The following MUC12 variants were observed in gnomAD, a reference collection of about 807,000 sequenced individuals.
MUC12 encodes the protein mucin 12, cell surface associated.
Under a neutral mutation model 230.8 loss-of-function variants are expected in MUC12, and 172 were observed. That is an observed-to-expected ratio of 0.75 (90% confidence interval 0.66 to 0.85). The LOEUF (loss-of-function observed/expected upper bound fraction) is 0.85, where lower values mean the gene tolerates loss of function less well. MUC12 is among the 40% of genes least tolerant of loss of function. MUC12 has a pLI of 0.00. For synonymous variants in MUC12, 1,259 were observed against 2,401.9 expected (o/e 0.52, Z 13.91); for missense variants, 3,506 against 5,920.6 (o/e 0.59, Z 13.38).
chr7:101,013,142 T>C lies in MUC12; in HGVS notation c.15638T>C (p.Leu5213Pro). 6.5e-7 allele frequency: 1 copy of C among 1,537,258 alleles called. No homozygotes were observed. The highest frequency in any genetic ancestry group is 8.7e-7 in the Non-Finnish European group (1 of 1,146,904). The change falls in exon 8 of 12, where the codon CTG becomes CCG. Residue 5213 changes from leucine to proline, a missense_variant and splice_region_variant. Coordinates refer to ENST00000536621, the MANE Select transcript of MUC12 (RefSeq NM_001164462.2). ...CQLQRSGPRC[L>P]CPNTNTHWYW... ...CTGCAACGCAGTGGCCCCCGCTGCCTGTGAGTGTCCCCATAAGCCCAGCAC... is the reference window on the plus strand; with the variant it reads ...CTGCAACGCAGTGGCCCCCGCTGCCCGTGAGTGTCCCCATAAGCCCAGCAC...
Position 100,969,704 on chromosome 7 carries a change from G to C in MUC12, c.67+15G>C. The C allele has an allele frequency of 6.5e-7, 1 of 1,537,390 alleles. No individual in the cohort carries two copies. The highest frequency in any genetic ancestry group is 1.2e-5 in the South Asian group (1 of 84,064). On this transcript the variant is annotated intron_variant, in intron 1 of 11. Transcript: ENST00000536621. Reference sequence around the variant, plus strand: ...AGTGACACCAGGTGAGTGCTCCTGGGCTGATGCTCCAGGTCCAGTGCTCCT... The same window carrying C: ...AGTGACACCAGGTGAGTGCTCCTGGCCTGATGCTCCAGGTCCAGTGCTCCT...
Position 100,992,593 on chromosome 7 carries a change from C to T in MUC12, c.2030C>T (p.Ser677Phe). Reference protein sequence around the residue: ...SIPTTHISARSTTSGLVEEST... With the variant: ...SIPTTHISARFTTSGLVEEST... Reference sequence around the variant, plus strand: ...CCAACAACCCACATTTCTGCCCGCTCCACAACCTCAGGCCTCGTTGAAGAA... The same window carrying T: ...CCAACAACCCACATTTCTGCCCGCTTCACAACCTCAGGCCTCGTTGAAGAA... Residue 677 changes from serine (S) to phenylalanine (F), a missense_variant, in exon 2 of 12, where the codon TCC becomes TTC. Physicochemically the swap from Ser to Phe is radical, Grantham distance 155. Coordinates refer to ENST00000536621, the MANE Select transcript of MUC12 (RefSeq NM_001164462.2). The T allele has an allele frequency of 6.5e-7, 1 of 1,537,904 alleles. No individual in the cohort carries two copies. The highest frequency in any genetic ancestry group is 8.7e-7 in the Non-Finnish European group (1 of 1,147,012).
rs1794000558 is a variant in MUC12, at chr7:101,018,700, C to T, written c.*64C>T. 6.8e-7 allele frequency: 1 copy of T among 1,479,270 alleles called. No individual in the cohort carries two copies. Among genetic ancestry groups the T allele is most frequent in the Admixed American group, 2.1e-5 (1 of 47,626 alleles). 91.6% of individuals were successfully genotyped at this position (1,479,270 alleles called of 1,614,324 possible). A position where few individuals can be genotyped will look rare whatever the true frequency, so the allele number is the denominator to read the frequency against. ...GGAGAGCTGCAAACACAGAGCCCACCACAAGCCTCCGGGGCGGGTCAAGAG... is the reference window on the plus strand; with the variant it reads ...GGAGAGCTGCAAACACAGAGCCCACTACAAGCCTCCGGGGCGGGTCAAGAG... On this transcript the variant is annotated 3_prime_UTR_variant, in exon 12 of 12. Coordinates refer to ENST00000536621, the MANE Select transcript of MUC12 (RefSeq NM_001164462.2).
intron 5 of MUC12, among the ~76,000 whole-genome samples, chr7:101,009,648 C>A (rs980649201): frequency 6.6e-6 from 1 of 151,934 alleles, no homozygotes; most frequent in Non-Finnish European, 1.5e-5. Context: ...GCCTGGGCAA[C>A]ATAGCGAGAT....
At position 100,991,483 on chromosome 7, in the gene MUC12, G is replaced by A. The variant is rs913442101; in HGVS notation, c.920G>A (p.Ser307Asn). The A allele has an allele frequency of 2.0e-6, 3 of 1,537,340 alleles. No individual in the cohort carries two copies. The highest frequency in any genetic ancestry group is 1.7e-6 in the Non-Finnish European group (2 of 1,146,724). ...AFVKLSTTYH[S>N]SPSSTPTTHF... Reference sequence around the variant, plus strand: ...GTTAAACTATCTACAACTTATCACAGCAGCCCGAGCTCAACTCCAACAACC... The same window carrying A: ...GTTAAACTATCTACAACTTATCACAACAGCCCGAGCTCAACTCCAACAACC... Residue 307 changes from serine to asparagine, a missense_variant, in exon 2 of 12, where the codon AGC (serine) becomes AAC (asparagine). Ser to Asn is a conservative substitution (Grantham distance 46, BLOSUM62 1). Coordinates refer to ENST00000536621, the MANE Select transcript of MUC12 (RefSeq NM_001164462.2).
rs1793739735 is a variant in MUC12, at chr7:101,005,814, T to A, written c.14956+295T>A. ...CTCTTCTCTGGATTTTTTTTTTTTT[T>A]TGAGACAGAGTGTTGCTCTGTTGCC... On this transcript the variant is annotated intron_variant, in intron 2 of 11. Transcript: ENST00000536621. 3.3e-5 allele frequency among the ~76,000 whole-genome samples: 4 copies of A among 122,394 alleles called. No individual in the cohort carries two copies. In the South Asian group the frequency reaches 1.1e-3, roughly 33 times the overall value. The allele number at this position is 122,394 out of a possible 152,430, so 80.3% of individuals were successfully genotyped here.
chr7:100,991,698 A>G lies in MUC12; in HGVS notation c.1135A>G (p.Thr379Ala), dbSNP rs1408993097. The change falls in exon 2 of 12, where the codon ACT becomes GCT. Residue 379 changes from threonine to alanine, a missense_variant. Physicochemically the swap from Thr to Ala is moderately conservative, Grantham distance 58. Transcript: ENST00000536621. ...QTMHFPESSTTSGHSEESATF... is the reference protein window; with the variant it reads ...QTMHFPESSTASGHSEESATF... ...AATGCACTTCCCTGAAAGCTCCACA[A>G]CTTCAGGCCATAGTGAAGAATCAGC... The G allele has an allele frequency of 6.5e-7, 1 of 1,537,826 alleles. No homozygotes were observed. The highest frequency in any genetic ancestry group is 8.7e-7 in the Non-Finnish European group (1 of 1,146,958).
Position 100,991,820 on chromosome 7 carries a change from T to C in MUC12, c.1257T>C (p.Thr419=). Residue 419 remains threonine (T), a synonymous_variant, in exon 2 of 12, where the codon ACT becomes ACC. Transcript: ENST00000536621. The part of the protein sequence containing the change: ...HTSYHSSLGS[T]ETTHFRDSST... ...GCTACCACAGCAGCCTGGGCTCAAC[T>C]GAAACAACACACTTCCGTGATAGCT... The C allele has an allele frequency of 6.5e-7, 1 of 1,537,896 alleles. No homozygotes were observed. The highest frequency in any genetic ancestry group is 8.7e-7 in the Non-Finnish European group (1 of 1,147,058).
rs1461487844 is a variant in MUC12, at chr7:101,005,448, C to T, written c.14885C>T (p.Thr4962Ile). ...ACATCAGGCCTCACTGAGGAATCTACCACCTTCCACACCAGTCCAAGCTTC... is the reference window on the plus strand; with the variant it reads ...ACATCAGGCCTCACTGAGGAATCTATCACCTTCCACACCAGTCCAAGCTTC... Reference protein sequence around the residue: ...SSTSGLTEESTTFHTSPSFTS... With the variant: ...SSTSGLTEESITFHTSPSFTS... The change falls in exon 2 of 12, where the codon ACC becomes ATC. Residue 4962 changes from threonine to isoleucine, a missense_variant. By Grantham distance (89) the Thr-to-Ile change is moderately conservative. Transcript: ENST00000536621. 13 of 1,537,728 alleles carry T rather than the reference C, an allele frequency of 8.5e-6. 1 individual carries two copies. Among genetic ancestry groups the T allele is most frequent in the Non-Finnish European group, 9.6e-6 (11 of 1,147,010 alleles).
In MUC12 at chr7:101,004,536, A is replaced by C. The variant is rs1793697238; in HGVS notation, c.13973A>C (p.Tyr4658Ser). 3 of 1,534,508 alleles carry C rather than the reference A, an allele frequency of 2.0e-6. No individual in the cohort carries two copies. The highest frequency in any genetic ancestry group is 2.8e-5 in the African/African-American group (2 of 71,794). ...TSALVEEPTS[Y>S]HSSPGSIATT... ...GCCCTTGTTGAAGAACCTACCAGCT[A>C]CCACAGCAGCCCGGGCTCAATTGCA... is the stretch of plus-strand genomic sequence containing the variant. The change falls in exon 2 of 12, where the codon TAC (tyrosine) becomes TCC (serine). Residue 4658 changes from tyrosine to serine, a missense_variant. By Grantham distance (144) the Tyr-to-Ser change is moderately radical. Coordinates refer to ENST00000536621, the MANE Select transcript of MUC12 (RefSeq NM_001164462.2).
At chr7:100,975,156 G>A (rs1307565029) in intron 1 of MUC12, among the ~76,000 whole-genome samples, 1 of 152,304 alleles carries the variant, frequency 6.6e-6, no homozygotes, top group Non-Finnish European at 1.5e-5. Flanking sequence ...GGACACAAAA[G>A]CCAGAAAATG....
chr7:100,974,724 C>T (rs894889051), intron 1 of MUC12, among the ~76,000 whole-genome samples: 1 of 152,412 alleles, frequency 6.6e-6, no homozygotes, highest in African/African-American at 2.4e-5. Flanking sequence ...ACTTGGGAGG[C>T]TGAGATAGGA....
At chr7:101,018,531 C>A (rs368318030) in intron 11 of MUC12, 64 bp from the exon 12 acceptor site, 1,274 of 1,509,736 alleles carry the variant, frequency 8.4e-4, no homozygotes, top group Non-Finnish European at 1.0e-3. Context: ...CTCCCTCTTC[C>A]TCCTGGGGCT....
rs1371971216 is a variant in MUC12 at position 100,990,933 on chromosome 7, T to C, written c.370T>C (p.Leu124=). Residue 124 remains leucine, a synonymous_variant, in exon 2 of 12, where the codon TTA becomes CTA. Transcript: ENST00000536621. ...ITSASMETTA[L]PGSTTTAGLS... is the part of the protein sequence containing the mutation. The stretch of plus-strand genomic sequence containing the variant: ...TTCAGCCTCAATGGAAACAACAGCG[T>C]TACCTGGCAGTACCACAACAGCAGG... 1 of 1,537,722 alleles carries C rather than the reference T, an allele frequency of 6.5e-7. No individual in the cohort carries two copies. Among genetic ancestry groups the C allele is most frequent in the Non-Finnish European group, 8.7e-7 (1 of 1,147,050 alleles).
Position 101,015,709 on chromosome 7 carries a change from C to A in MUC12, c.15877+18C>A. Reference sequence around the variant, plus strand: ...CTGGGAAGGTACCTCTAGTTAAGGGCAAGGAGATGAGCAGAGCTGGAGGGT... The same window carrying A: ...CTGGGAAGGTACCTCTAGTTAAGGGAAAGGAGATGAGCAGAGCTGGAGGGT... On this transcript the variant is annotated intron_variant, in intron 10 of 11. Transcript: ENST00000536621. The A allele has an allele frequency of 6.5e-7, 1 of 1,534,128 alleles. No homozygotes were observed. Among genetic ancestry groups the A allele is most frequent in the Non-Finnish European group, 8.7e-7 (1 of 1,143,946 alleles).
Position 100,990,908 on chromosome 7 carries a change from T to G in MUC12, c.345T>G (p.Thr115=), listed in dbSNP as rs986501625. 1.3e-6 allele frequency: 2 copies of G among 1,537,792 alleles called. No individual in the cohort carries two copies. Among genetic ancestry groups the G allele is most frequent in the East Asian group, 2.4e-5 (1 of 40,902 alleles). ...FVGEPKTSPI[T]SASMETTALP... ...GAGAACCTAAAACCTCACCCATCACTTCAGCCTCAATGGAAACAACAGCGT... is the reference window on the plus strand; with the variant it reads ...GAGAACCTAAAACCTCACCCATCACGTCAGCCTCAATGGAAACAACAGCGT... Residue 115 remains threonine (T), a synonymous_variant, in exon 2 of 12, where the codon ACT becomes ACG. Coordinates refer to ENST00000536621, the MANE Select transcript of MUC12 (RefSeq NM_001164462.2).
chr7:100,988,608 A>G (rs575806367), intron 1 of MUC12, among the ~76,000 whole-genome samples: 1 of 152,330 alleles, frequency 6.6e-6, no homozygotes, highest in Admixed American at 6.5e-5. Flanking sequence ...GAGAAAGGAC[A>G]GAGATAATTG....
At position 100,993,044 on chromosome 7, in the gene MUC12, T is replaced by G. The variant is rs1232372270; in HGVS notation, c.2481T>G (p.His827Gln). Residue 827 changes from histidine to glutamine, a missense_variant, in exon 2 of 12, where the codon CAT (histidine) becomes CAG (glutamine). Transcript: ENST00000536621. The stretch of plus-strand genomic sequence containing the variant: ...TCAGTGAGAGATCTACCACTTTCCA[T>G]AGTAGCCCCAGATCACCAGCCACAA... ...PGLSERSTTF[H>Q]SSPRSPATTL... The G allele has an allele frequency of 1.3e-6, 2 of 1,528,884 alleles. No individual in the cohort carries two copies. The highest frequency in any genetic ancestry group is 1.5e-5 in the African/African-American group (1 of 68,310). 94.7% of individuals were successfully genotyped at this position (1,528,884 alleles called of 1,614,324 possible). A position where few individuals can be genotyped will look rare whatever the true frequency, so the allele number is the denominator to read the frequency against.
At position 100,991,287 on chromosome 7, in the gene MUC12, A is replaced by G. The variant is rs61746396; in HGVS notation, c.724A>G (p.Thr242Ala). The G allele has an allele frequency of 9.2e-4, 1,411 of 1,536,954 alleles. 18 individuals are homozygous for G. Among genetic ancestry groups the G allele is most frequent in the South Asian group, 9.1e-3 (763 of 84,002 alleles). The stretch of plus-strand genomic sequence containing the variant: ...AACACGCTTACCTGACAACACCACA[A>G]CCTCAGGCCTCCTTGAAGCATCTAC... ...KTTRLPDNTT[T>A]SGLLEASTPV... Residue 242 changes from threonine to alanine, a missense_variant, in exon 2 of 12, where the codon ACC becomes GCC. Coordinates refer to ENST00000536621, the MANE Select transcript of MUC12 (RefSeq NM_001164462.2).
Sources: allele counts gnomAD v4.1 joint callset (sites outside exome capture counted in the v4.1 genomes callset), GRCh38; gene constraint gnomAD v4.1.1; transcripts MANE v1.5; gene names NCBI Gene and HGNC (gene_info 2026-07-23, HGNC 2026-07-21).